Variants in CEP135 observed in about 807,000 individuals in gnomAD.
CEP135 encodes the protein centrosomal protein 135.
In CEP135, 142 loss-of-function variants were observed where a neutral mutation model predicts 157.3. The observed-to-expected ratio is 0.90, with a 90% CI of 0.79 to 1.04. The LOEUF is 1.04. Ranked by LOEUF, CEP135 falls within the 50% of genes least tolerant of loss-of-function variation. The pLI is 0.00. For synonymous variants in CEP135, 396 were observed against 439.8 expected, an observed-to-expected ratio of 0.90 and a Z score of 1.25; for missense variants, 1,317 against 1,309.2, an observed-to-expected ratio of 1.01 and a Z score of -0.09.
intron 4 of CEP135, among the ~76,000 whole-genome samples, chr4:55,955,214 TTAAG>T (rs1410047868): frequency 1.3e-5 from 2 of 152,194 alleles, no homozygotes; most frequent in African/African-American, 2.4e-5. Context: ...GATTATGAAA[TTAAG>T]TGAGTAACAG....
chr4:55,959,215 G>A (rs909017342), intron 5 of CEP135, among the ~76,000 whole-genome samples: 5 of 152,350 alleles, frequency 3.3e-5, no homozygotes, highest in African/African-American at 1.2e-4. Context: ...GAATTAACAA[G>A]TTCCAGAAGG....
chr4:55,984,299 C>T (rs936255450), intron 13 of CEP135, among the ~76,000 whole-genome samples: 2 of 152,190 alleles, frequency 1.3e-5, no homozygotes, highest in African/African-American at 2.4e-5. Context: ...TCCTTCACAT[C>T]TTCCACTCTT....
At position 55,954,201 on chromosome 4, in the gene CEP135, CTT is replaced by C. The variant is rs1728441359; in HGVS notation, c.305-11_305-10del. ...TTGATCTTTAAAACGGTCTTTGAAT[CTT>C]TTTCATTTTAAGAGTTGAAAACTTC... On this transcript the variant is annotated splice_polypyrimidine_tract_variant and intron_variant, in intron 3 of 25. Coordinates refer to ENST00000257287, the MANE Select transcript of CEP135 (RefSeq NM_025009.5). The C allele has an allele frequency of 2.6e-6, 4 of 1,554,408 alleles. No individual in the cohort carries two copies. The highest frequency in any genetic ancestry group is 2.3e-5 in the East Asian group (1 of 43,162).
At chr4:55,953,391 C>A in intron 3 of CEP135, 116 bp downstream of exon 3, 2 of 745,604 alleles carry the variant, frequency 2.7e-6, no homozygotes, top group Non-Finnish European at 4.0e-6. Flanking sequence ...AGTCCTACAG[C>A]TGGATGGTGT....
Position 55,956,207 on chromosome 4 carries a change from C to T in CEP135, c.473-1016C>T, listed in dbSNP as rs577600043. On this transcript the variant is annotated intron_variant, in intron 4 of 25. Transcript: ENST00000257287. ...AAACTCCTTTTGTATACTCCTACCT[C>T]TGTAGGAGTATACAAAATTTGTTAG... Among the ~76,000 whole-genome samples, 37 of 151,876 alleles carry T rather than the reference C, an allele frequency of 2.4e-4. No individual in the cohort carries two copies. The South Asian group carries it at 7.7e-3, about 32-fold the overall frequency.
In CEP135 at chr4:56,031,883, AGTC is replaced by A. The variant is rs1359989734; in HGVS notation, c.*536_*538del. 1.3e-5 allele frequency: 2 copies of A among 152,222 alleles called. No individual in the cohort carries two copies. Among genetic ancestry groups the A allele is most frequent in the Non-Finnish European group, 2.9e-5 (2 of 68,034 alleles). The allele number at this position is 152,222 out of a possible 1,614,324, so 9.4% of individuals were successfully genotyped here. ...TGTCAAGGGGAATATATTCAGGTCTAGTCTTCTTATAATAGCAGAGGTCTTGGT... is the reference window on the plus strand; with the variant it reads ...TGTCAAGGGGAATATATTCAGGTCTATTCTTATAATAGCAGAGGTCTTGGT... On this transcript the variant is annotated 3_prime_UTR_variant, in exon 26 of 26. Transcript: ENST00000257287.
At chr4:56,009,982 C>A (rs919170401) in intron 19 of CEP135, 79 bp downstream of exon 19, 1 of 1,343,752 alleles carries the variant, frequency 7.4e-7, no homozygotes, top group African/African-American at 1.5e-5. Flanking sequence ...AATATTTTTT[C>A]TAAAATCTGA....
intron 22 of CEP135, 42 bp downstream of exon 22, chr4:56,017,899 C>T (rs776935520): frequency 6.6e-7 from 1 of 1,524,082 alleles, no homozygotes; most frequent in Non-Finnish European, 9.0e-7. Flanking sequence ...TTTATTGAGC[C>T]CTACTCTAAT....
intron 12 of CEP135, among the ~76,000 whole-genome samples, chr4:55,980,756 A>G (rs1327268369): frequency 6.6e-6 from 1 of 152,200 alleles, no homozygotes; most frequent in Admixed American, 6.5e-5. Context: ...TTAGAGGGCA[A>G]GGTAAGTCTG....
chr4:56,020,201 G>T (rs1730927294), intron 23 of CEP135, among the ~76,000 whole-genome samples: 2 of 152,122 alleles, frequency 1.3e-5, no homozygotes, highest in Non-Finnish European at 2.9e-5. Flanking sequence ...CTCTAAAAAG[G>T]CTATGAGATT....
Position 56,032,647 on chromosome 4 carries a change from T to C in CEP135, c.*1299T>C, listed in dbSNP as rs1319307341. The C allele has an allele frequency of 1.3e-5, 2 of 152,092 alleles. No individual in the cohort carries two copies. Among genetic ancestry groups the C allele is most frequent in the Non-Finnish European group, 2.9e-5 (2 of 68,032 alleles). The allele number at this position is 152,092 out of a possible 1,614,324, so 9.4% of individuals were successfully genotyped here. On this transcript the variant is annotated 3_prime_UTR_variant, in exon 26 of 26. Transcript: ENST00000257287. ...TACAATTAATTTTCAAAGTTGTAAT[T>C]TTAAAGAATTTGGGTGTATACCTAT...
At chr4:55,969,652 T>C (rs1455451918) in intron 9 of CEP135, among the ~76,000 whole-genome samples, 1 of 152,156 alleles carries the variant, frequency 6.6e-6, no homozygotes, top group Non-Finnish European at 1.5e-5. Flanking sequence ...TTCTTATGGC[T>C]GAGTAATATT....
Position 55,957,299 on chromosome 4 carries a change from T to C in CEP135, c.549T>C (p.Ser183=). Residue 183 remains serine (S), a synonymous_variant, in exon 5 of 26, where the codon AGT becomes AGC. Coordinates refer to ENST00000257287, the MANE Select transcript of CEP135 (RefSeq NM_025009.5). Reference sequence around the variant, plus strand: ...AACCGGTTCCTCCCTCTGAAGTCAGTTCATATCCAGTTCCTCAACCAGATG... The same window carrying C: ...AACCGGTTCCTCCCTCTGAAGTCAGCTCATATCCAGTTCCTCAACCAGATG... The part of the protein sequence containing the change: ...IDEPVPPSEV[S]SYPVPQPDDP... 1 of 1,614,096 alleles carries C rather than the reference T, an allele frequency of 6.2e-7. No individual in the cohort carries two copies. The highest frequency in any genetic ancestry group is 8.5e-7 in the Non-Finnish European group (1 of 1,179,982).
chr4:55,967,945 G>A (rs1728894200), intron 8 of CEP135, among the ~76,000 whole-genome samples: 1 of 152,090 alleles, frequency 6.6e-6, no homozygotes, highest in South Asian at 2.1e-4. Flanking sequence ...GGCAAGAAAA[G>A]GCATACAAAT....
At chr4:55,987,651 G>A (rs907529018) in intron 14 of CEP135, among the ~76,000 whole-genome samples, 35 of 152,142 alleles carry the variant, frequency 2.3e-4, no homozygotes, top group African/African-American at 8.5e-4. Context: ...AGTTATTTCA[G>A]GCGGAAGAGT....
Position 56,019,554 on chromosome 4 carries a change from T to C in CEP135, c.3214T>C (p.Leu1072=). The part of the protein sequence containing the change: ...KEKLTLSESK[L]TSQSRENTML... ...GAAGTTAACCCTTTCTGAAAGCAAA[T>C]TGTAAGTGTCTTAAGTCAACTTATG... is the stretch of plus-strand genomic sequence containing the variant. Residue 1072 remains leucine (L), a splice_region_variant and synonymous_variant, in exon 23 of 26, where the codon TTA becomes CTA. Transcript: ENST00000257287. The C allele has an allele frequency of 6.2e-7, 1 of 1,606,520 alleles. No homozygotes were observed. The highest frequency in any genetic ancestry group is 8.5e-7 in the Non-Finnish European group (1 of 1,177,460).
intron 24 of CEP135, among the ~76,000 whole-genome samples, chr4:56,024,070 A>G (rs1245772887): frequency 1.4e-5 from 2 of 144,074 alleles, no homozygotes; most frequent in African/African-American, 5.0e-5. Flanking sequence ...CATATATTAT[A>G]TATTATATAA....
At chr4:56,006,692 C>G (rs1463353410) in intron 17 of CEP135, among the ~76,000 whole-genome samples, 1 of 152,110 alleles carries the variant, frequency 6.6e-6, no homozygotes, top group African/African-American at 2.4e-5. Flanking sequence ...ACTGAATTTC[C>G]TTGATACCTC....
At chr4:55,978,308 C>G (rs1457708749) in intron 11 of CEP135, among the ~76,000 whole-genome samples, 1 of 152,072 alleles carries the variant, frequency 6.6e-6, no homozygotes, top group Admixed American at 6.6e-5. Context: ...ATTAAATGCA[C>G]AATCATGTAC....
Sources: allele counts gnomAD v4.1 joint callset (sites outside exome capture counted in the v4.1 genomes callset), GRCh38; gene constraint gnomAD v4.1.1; transcripts MANE v1.5; gene names NCBI Gene and HGNC (gene_info 2026-07-23, HGNC 2026-07-21).